NHSL1: variants seen among roughly 807,000 people sequenced by gnomAD.
The protein encoded by NHSL1 is NHS like 1.
In NHSL1, 48 loss-of-function variants were observed where a neutral mutation model predicts 95.0. The ratio of observed to expected loss-of-function variants is 0.51; its 90% CI spans 0.40 to 0.64. The LOEUF (loss-of-function observed/expected upper bound fraction) is 0.64, where lower values mean the gene tolerates loss of function less well. Among genes scored for constraint, NHSL1 ranks in the 30% least tolerant of loss-of-function variants. The probability of loss-of-function intolerance (pLI) is 0.00; values close to 1 mark genes in which losing one functional copy is unlikely to be tolerated. For missense variants in NHSL1, 1,971 were observed against 2,077.7 expected (o/e 0.95, Z 1.00); for synonymous variants, 783 against 833.9 (o/e 0.94, Z 1.05).
intron 1 of NHSL1, among the ~76,000 whole-genome samples, chr6:138,509,157 G>T (rs999210013): frequency 6.6e-6 from 1 of 152,120 alleles, no homozygotes; most frequent in African/African-American, 2.4e-5. Flanking sequence ...CAATCACTTA[G>T]AAATTAAAAT....
Position 138,423,815 on chromosome 6 carries a change from CAAA to C in NHSL1, c.*263_*265del, listed in dbSNP as rs56326954. 0.046 allele frequency: 6,316 copies of C among 137,752 alleles called. 15 individuals carry two copies. The highest frequency in any genetic ancestry group is 0.07 in the Middle Eastern group (32 of 458). 8.5% of individuals were successfully genotyped at this position (137,752 alleles called of 1,614,324 possible). On this transcript the variant is annotated 3_prime_UTR_variant, in exon 8 of 8. Transcript: ENST00000343505. ...GCACACATACACACCCAGCATTTAG[CAAA>C]AAAAAAAAAAAAAAAAAAAAATCTT...
intron 1 of NHSL1, among the ~76,000 whole-genome samples, chr6:138,627,363 A>C (rs1357302135): frequency 6.6e-6 from 1 of 152,240 alleles, no homozygotes; most frequent in African/African-American, 2.4e-5. Flanking sequence ...TCCTGAATGT[A>C]TTCTTCTTTG....
intron 1 of NHSL1, among the ~76,000 whole-genome samples, chr6:138,593,079 T>C (rs993267725): frequency 2.6e-5 from 4 of 152,194 alleles, no homozygotes; most frequent in African/African-American, 9.7e-5. Context: ...CATTAAAACA[T>C]ACACACCCAC....
In NHSL1 at chr6:138,623,587, T is replaced by C. The variant is rs145279736; in HGVS notation, c.96+68889A>G. Among the ~76,000 whole-genome samples the C allele has an allele frequency of 2.8e-3, 432 of 152,320 alleles. 4 individuals are homozygous for C. The highest frequency in any genetic ancestry group is 9.7e-3 in the African/African-American group (404 of 41,578). On this transcript the variant is annotated intron_variant, in intron 1 of 3. Transcript: ENST00000491526. ...GAATACAATACATTGTTATTAACTA[T>C]AGACATCATGTTGTACAATAGCTCT...
chr6:138,442,192 T>C (rs1156805227), intron 4 of NHSL1, 78 bp from the exon 5 acceptor site: 2 of 1,351,368 alleles, frequency 1.5e-6, no homozygotes, highest in East Asian at 2.7e-5. Flanking sequence ...TCCAGAAGCT[T>C]GTTGTAAAAT....
chr6:138,647,356 ATC>A (rs1785032948), intron 1 of NHSL1, among the ~76,000 whole-genome samples: 1 of 152,220 alleles, frequency 6.6e-6, no homozygotes. Flanking sequence ...TTCTTGATGA[ATC>A]AGATCTGTCT....
chr6:138,425,376 C>T (rs1037060877), intron 7 of NHSL1, among the ~76,000 whole-genome samples: 5 of 152,164 alleles, frequency 3.3e-5, no homozygotes, highest in East Asian at 1.9e-4. Flanking sequence ...GGATTATAGG[C>T]GTGAGCCACT....
intron 1 of NHSL1, among the ~76,000 whole-genome samples, chr6:138,580,735 A>T (rs139856038): frequency 6.6e-6 from 1 of 152,252 alleles, no homozygotes. Flanking sequence ...TAATAGCCCC[A>T]CAATTACCAA....
chr6:138,625,927 C>T (rs1299109103), intron 1 of NHSL1, among the ~76,000 whole-genome samples: 2 of 152,178 alleles, frequency 1.3e-5, no homozygotes, highest in Non-Finnish European at 2.9e-5. Flanking sequence ...ACAGGTGTGA[C>T]CCACCACACC....
rs531690281 is a variant in NHSL1, at chr6:138,643,098, T to C, written c.96+49378A>G. Reference sequence around the variant, plus strand: ...CAGATCAAGCCAATACGATAGATAGTGAGATGATATTTTTTAGCAGCAGCT... The same window carrying C: ...CAGATCAAGCCAATACGATAGATAGCGAGATGATATTTTTTAGCAGCAGCT... On this transcript the variant is annotated intron_variant, in intron 1 of 3. Coordinates refer to the NHSL1 transcript ENST00000491526. Among the ~76,000 whole-genome samples the C allele has an allele frequency of 2.7e-3, 406 of 152,346 alleles. 3 individuals carry two copies. Among genetic ancestry groups the C allele is most frequent in the Middle Eastern group, 0.01 (3 of 294 alleles).
intron 3 of NHSL1, among the ~76,000 whole-genome samples, chr6:138,469,163 T>G (rs1292990475): frequency 6.6e-6 from 1 of 152,114 alleles, no homozygotes; most frequent in East Asian, 1.9e-4. Flanking sequence ...TAATAAAGAT[T>G]TGGACTCAGG....
chr6:138,607,699 C>T (rs7767451), intron 1 of NHSL1, among the ~76,000 whole-genome samples: 1,871 of 152,304 alleles, frequency 0.012, 50 homozygotes, highest in African/African-American at 0.043. Context: ...GAGTCATAAT[C>T]GGAGTGGGGT....
intron 1 of NHSL1, among the ~76,000 whole-genome samples, chr6:138,590,924 C>T (rs532408524): frequency 3.3e-4 from 50 of 152,300 alleles, no homozygotes; most frequent in African/African-American, 1.2e-3. Flanking sequence ...TATGCTGGAA[C>T]AACACAGAGA....
In NHSL1 at chr6:138,431,799, G is replaced by A; in HGVS notation, c.2546C>T (p.Ser849Phe). 6.4e-7 allele frequency: 1 copy of A among 1,551,708 alleles called. No individual in the cohort carries two copies. Among genetic ancestry groups the A allele is most frequent in the Non-Finnish European group, 8.7e-7 (1 of 1,146,990 alleles). ...ATTCGACTGGCTGGAATACCCACTG[G>A]ATGGAGAAATGACTCTGTGTGACTT... Reference protein sequence around the residue: ...PEKSHRVISPSSGYSSQSNTP... With the variant: ...PEKSHRVISPFSGYSSQSNTP... The change falls in exon 6 of 8, where the codon TCC becomes TTC. Residue 849 changes from serine (S) to phenylalanine (F), a missense_variant. Physicochemically the swap from Ser to Phe is radical, Grantham distance 155. Coordinates refer to ENST00000343505, the MANE Select transcript of NHSL1 (RefSeq NM_001144060.2). This position sits in a 1 kb window ranked among gnomAD's most constrained non-coding sequence, Gnocchi z 4.0.
At chr6:138,640,682 T>G (rs945543744) in intron 1 of NHSL1, among the ~76,000 whole-genome samples, 3 of 152,212 alleles carry the variant, frequency 2.0e-5, no homozygotes, top group African/African-American at 7.2e-5. Flanking sequence ...ATGTAATTGG[T>G]AAGGCTTCTG....
In NHSL1 at chr6:138,473,404, G is replaced by C. The variant is rs933625834; in HGVS notation, c.241C>G (p.Arg81Gly). 2.6e-6 allele frequency: 4 copies of C among 1,524,452 alleles called. No individual in the cohort carries two copies. Among genetic ancestry groups the C allele is most frequent in the East Asian group, 2.5e-5 (1 of 39,446 alleles). The allele number at this position is 1,524,452 out of a possible 1,614,324, so 94.4% of individuals were successfully genotyped here. Reference sequence around the variant, plus strand: ...CCCTGAGAGTAGTACTGAGAACTGCGGTAGCCATCATGCCGCAACTTATCG... The same window carrying C: ...CCCTGAGAGTAGTACTGAGAACTGCCGTAGCCATCATGCCGCAACTTATCG... Reference protein sequence around the residue: ...ECDKLRHDGYRSSQYYSQGPT... With the variant: ...ECDKLRHDGYGSSQYYSQGPT... Residue 81 changes from arginine (R) to glycine (G), a missense_variant, in exon 3 of 8, where the codon CGC becomes GGC. Physicochemically the swap from Arg to Gly is moderately radical, Grantham distance 125 (BLOSUM62 -2). Coordinates refer to ENST00000343505, the MANE Select transcript of NHSL1 (RefSeq NM_001144060.2).
chr6:138,686,037 T>C (rs1428674864), intron 1 of NHSL1, among the ~76,000 whole-genome samples: 1 of 152,136 alleles, frequency 6.6e-6, no homozygotes. Flanking sequence ...GAAGAAGGTA[T>C]TGGAGAGATA....
chr6:138,494,277 G>C (rs1475522551), intron 2 of NHSL1, among the ~76,000 whole-genome samples: 1 of 152,156 alleles, frequency 6.6e-6, no homozygotes, highest in Non-Finnish European at 1.5e-5. Flanking sequence ...CTGCACTTCT[G>C]CCAGAATAAC....
chr6:138,690,249 C>T lies in NHSL1; in HGVS notation c.96+2227G>A, dbSNP rs115144701. 4.6e-3 allele frequency among the ~76,000 whole-genome samples: 695 copies of T among 152,242 alleles called. 6 individuals are homozygous for T. Among genetic ancestry groups the T allele is most frequent in the African/African-American group, 0.015 (628 of 41,530 alleles). On this transcript the variant is annotated intron_variant, in intron 1 of 3. Coordinates refer to the NHSL1 transcript ENST00000491526. ...TTTTACACAGAAACAAGGTTTGAGG[C>T]ATTGTTTTAAAAGAATCCTAACAGA...
Sources: allele counts gnomAD v4.1 joint callset (sites outside exome capture counted in the v4.1 genomes callset), GRCh38; gene constraint gnomAD v4.1.1; non-coding constraint Gnocchi (gnomAD v3.1); transcripts MANE v1.5; gene names NCBI Gene and HGNC (gene_info 2026-07-23, HGNC 2026-07-21).